COL22A1: variants seen among roughly 807,000 people sequenced by gnomAD.
The protein encoded by COL22A1 is collagen alpha-1(XXII) chain.
Under a neutral mutation model 248.9 loss-of-function variants are expected in COL22A1, and 221 were observed. The observed-to-expected ratio is 0.89, with a 90% confidence interval of 0.80 to 0.99. The LOEUF is 0.99. COL22A1 is among the 50% of genes least tolerant of loss of function. COL22A1 has a pLI of 0.00. For missense variants in COL22A1, 2,240 were observed against 2,179.0 expected (o/e 1.03, Z -0.56); for synonymous variants, 891 against 793.4 (o/e 1.12, Z -2.07).
At chr8:138,692,269 T>TG (rs1827102896) in intron 35 of COL22A1, among the ~76,000 whole-genome samples, 1 of 109,460 alleles carries the variant, frequency 9.1e-6, no homozygotes. Context: ...TGTGTGCATG[T>TG]TTGTGTGCAC....
intron 10 of COL22A1, among the ~76,000 whole-genome samples, chr8:138,803,808 G>T (rs12547982): frequency 0.4 from 61,574 of 152,128 alleles, 15,883 homozygotes; most frequent in African/African-American, 0.74. Flanking sequence ...TTTTGTCTTT[G>T]TTCTTGATCT....
Position 138,883,218 on chromosome 8 carries a change from C to CCCTAACA in COL22A1, c.-47_-46insTGTTAGG. ...CAGGCTTCTCTTGGCCAGGAAGAGACGCTGTTAGGGTCTACAGCAGCATGG... is the reference window on the plus strand; with the variant it reads ...CAGGCTTCTCTTGGCCAGGAAGAGACCCTAACAGCTGTTAGGGTCTACAGCAGCATGG... On this transcript the variant is annotated 5_prime_UTR_variant, in exon 2 of 65. Transcript: ENST00000303045. The CCCTAACA allele has an allele frequency of 1.3e-6, 2 of 1,525,890 alleles. No homozygotes were observed. Among genetic ancestry groups the CCCTAACA allele is most frequent in the Non-Finnish European group, 1.8e-6 (2 of 1,124,918 alleles). The allele number at this position is 1,525,890 out of a possible 1,614,324, so 94.5% of individuals were successfully genotyped here.
At position 138,755,526 on chromosome 8, in the gene COL22A1, A is replaced by C. The variant is rs375327443; in HGVS notation, c.1948-15T>G. On this transcript the variant is annotated splice_polypyrimidine_tract_variant and intron_variant, in intron 19 of 64. Transcript: ENST00000303045. The stretch of plus-strand genomic sequence containing the variant: ...TCTTGCTGCACCTGAGAGACAAAGC[A>C]AGCATTAGCAAAGGTGCTGGCATTT... 6.2e-7 allele frequency: 1 copy of C among 1,613,994 alleles called. No individual in the cohort carries two copies. Among genetic ancestry groups the C allele is most frequent in the Non-Finnish European group, 8.5e-7 (1 of 1,179,926 alleles).
chr8:138,649,288 T>C (rs1822485322), intron 46 of COL22A1, among the ~76,000 whole-genome samples: 1 of 152,310 alleles, frequency 6.6e-6, no homozygotes. Flanking sequence ...GATGGATCCA[T>C]TGATTGATCT....
intron 32 of COL22A1, among the ~76,000 whole-genome samples, chr8:138,697,269 C>G (rs1400028362): frequency 1.3e-5 from 2 of 152,178 alleles, no homozygotes; most frequent in African/African-American, 4.8e-5. Context: ...TAAACACCAT[C>G]TCTGGGACTC....
intron 41 of COL22A1, among the ~76,000 whole-genome samples, chr8:138,672,309 C>T (rs1026187050): frequency 6.6e-6 from 1 of 152,134 alleles, no homozygotes; most frequent in East Asian, 1.9e-4. Flanking sequence ...GACATGGAGG[C>T]CTTTGCTCAC....
chr8:138,831,416 T>C (rs1259150682), intron 5 of COL22A1, among the ~76,000 whole-genome samples: 2 of 152,178 alleles, frequency 1.3e-5, no homozygotes, highest in East Asian at 3.9e-4. Flanking sequence ...GGACTTCTCA[T>C]TGAGCAGGGG....
At position 138,869,985 on chromosome 8, in the gene COL22A1, G is replaced by A. The variant is rs115708032; in HGVS notation, c.658+7765C>T. Among the ~76,000 whole-genome samples the A allele has an allele frequency of 8.1e-3, 1,241 of 152,330 alleles. 13 individuals carry two copies. Among genetic ancestry groups the A allele is most frequent in the African/African-American group, 0.028 (1,176 of 41,572 alleles). On this transcript the variant is annotated intron_variant, in intron 3 of 64. Transcript: ENST00000303045. ...GTGTATGAGTAGTGTATATATGTGT[G>A]TGGGGTGTTATGTGCCTGGTGTGTA...
chr8:138,700,121 T>A lies in COL22A1; in HGVS notation c.2583A>T (p.Pro861=), dbSNP rs1221970993. 3.1e-6 allele frequency: 5 copies of A among 1,613,456 alleles called. No homozygotes were observed. Among genetic ancestry groups the A allele is most frequent in the Non-Finnish European group, 4.2e-6 (5 of 1,179,864 alleles). Reference sequence around the variant, plus strand: ...CACCGCTACTACTTACGGGCATCCGTGGATGTGGTGTGAACAGGGATGTCT... The same window carrying A: ...CACCGCTACTACTTACGGGCATCCGAGGATGTGGTGTGAACAGGGATGTCT... ...PGTTSLFTPH[P]RMPGEQGPKG... is the part of the protein sequence containing the mutation. The change falls in exon 32 of 65, where the codon CCA becomes CCT. Residue 861 remains proline (P), a synonymous_variant. Coordinates refer to ENST00000303045, the MANE Select transcript of COL22A1 (RefSeq NM_152888.3).
At chr8:138,828,169 T>C (rs1819749466) in intron 5 of COL22A1, 1 of 151,846 alleles carries the variant, frequency 6.6e-6, no homozygotes, top group African/African-American at 2.4e-5. Context: ...ATGCAGAACT[T>C]TGAAAACTGT....
intron 36 of COL22A1, among the ~76,000 whole-genome samples, chr8:138,689,296 G>A (rs1212929075): frequency 6.6e-6 from 1 of 152,192 alleles, no homozygotes; most frequent in Admixed American, 6.5e-5. Flanking sequence ...CTGGGAAGAT[G>A]AGGATGGCCT....
chr8:138,825,247 G>A (rs1283291779), intron 6 of COL22A1, among the ~76,000 whole-genome samples: 1 of 152,188 alleles, frequency 6.6e-6, no homozygotes, highest in Admixed American at 6.5e-5. Context: ...AAGCCTCTCA[G>A]CAGTTAGTTT....
chr8:138,866,996 G>A (rs918542076), intron 3 of COL22A1, among the ~76,000 whole-genome samples: 2 of 152,164 alleles, frequency 1.3e-5, no homozygotes, highest in African/African-American at 4.8e-5. Context: ...CACCTTGGGA[G>A]CTGGTGGCAG....
chr8:138,779,120 G>C (rs1236466100), intron 14 of COL22A1, among the ~76,000 whole-genome samples: 1 of 152,138 alleles, frequency 6.6e-6, no homozygotes, highest in African/African-American at 2.4e-5. Flanking sequence ...CATTAGTATA[G>C]TCCTTAGGAC....
chr8:138,695,359 CCTCT>C (rs1052549523), intron 32 of COL22A1, among the ~76,000 whole-genome samples: 1 of 152,108 alleles, frequency 6.6e-6, no homozygotes, highest in Non-Finnish European at 1.5e-5. Context: ...TCCCTCCCTT[CCTCT>C]CTCTCTTTCT....
chr8:138,824,097 A>G (rs1217834282), intron 6 of COL22A1, among the ~76,000 whole-genome samples: 3 of 152,236 alleles, frequency 2.0e-5, no homozygotes, highest in Admixed American at 6.5e-5. Flanking sequence ...CATAAAATAG[A>G]AAACTATGAA....
intron 59 of COL22A1, 112 bp downstream of exon 59, chr8:138,604,622 T>C (rs190357193): frequency 7.6e-5 from 65 of 850,926 alleles, no homozygotes; most frequent in African/African-American, 6.8e-4. Flanking sequence ...ACAGTGAAGG[T>C]AGAGAGTGTT....
intron 30 of COL22A1, among the ~76,000 whole-genome samples, chr8:138,703,584 T>C (rs1424842958): frequency 6.6e-6 from 1 of 152,252 alleles, no homozygotes; most frequent in African/African-American, 2.4e-5. Context: ...GAAGTATCCA[T>C]ATTGATATGC....
At chr8:138,909,132 G>A (rs939761007) in intron 1 of COL22A1, among the ~76,000 whole-genome samples, 2 of 152,172 alleles carry the variant, frequency 1.3e-5, no homozygotes, top group African/African-American at 2.4e-5. Context: ...TAATCACAAC[G>A]AAGCTTGTGG....
Sources: allele counts gnomAD v4.1 joint callset (sites outside exome capture counted in the v4.1 genomes callset), GRCh38; gene constraint gnomAD v4.1.1; transcripts MANE v1.5; gene names NCBI Gene and HGNC (gene_info 2026-07-23, HGNC 2026-07-21).